Variants in ENTREP2 observed in about 807,000 individuals in gnomAD.
The protein encoded by ENTREP2 is protein ENTREP2.
At chr15:29,416,599 T>C in the ENTREP2 span, among the ~76,000 whole-genome samples, 2 of 152,170 alleles carry the variant, frequency 1.3e-5, no homozygotes, top group African/African-American at 2.4e-5. Context: ...AAAGACTTCA[T>C]GTCTAAAACA....
the ENTREP2 span, among the ~76,000 whole-genome samples, chr15:29,636,379 A>G: frequency 6.6e-6 from 1 of 152,216 alleles, no homozygotes; most frequent in Non-Finnish European, 1.5e-5. Context: ...GCCCTTCACC[A>G]TGAGAACACG....
At chr15:29,124,805 G>T in the ENTREP2 span, 2 of 1,499,534 alleles carry the variant, frequency 1.3e-6, no homozygotes, top group South Asian at 2.4e-5. Context: ...AAGGAAAAAG[G>T]AATTCCTGAG....
chr15:29,273,889 G>A, the ENTREP2 span, among the ~76,000 whole-genome samples: 59 of 152,104 alleles, frequency 3.9e-4, no homozygotes, highest in Admixed American at 3.0e-3. Flanking sequence ...CTGCACTATT[G>A]GATTCCCTAC....
the ENTREP2 span, chr15:29,376,268 T>C: frequency 6.6e-6 from 1 of 152,184 alleles, no homozygotes; most frequent in Non-Finnish European, 1.5e-5. Flanking sequence ...CCTGTGATTG[T>C]GGGAGACTGT....
the ENTREP2 span, among the ~76,000 whole-genome samples, chr15:29,322,472 T>C: frequency 6.6e-6 from 1 of 152,322 alleles, no homozygotes; most frequent in South Asian, 2.1e-4. Flanking sequence ...GATAACTGTT[T>C]GCTTAAAGTA....
chr15:29,624,871 T>TTGTGTGTGTGTGTG, the ENTREP2 span, among the ~76,000 whole-genome samples: 47 of 143,716 alleles, frequency 3.3e-4, no homozygotes, highest in African/African-American at 1.1e-3. Flanking sequence ...CTGCATTAAT[T>TTGTGTGTGTGTGTG]TGTGTGTGTG....
At chr15:29,206,441 CAAGGCACTT>C in the ENTREP2 span, among the ~76,000 whole-genome samples, 3 of 152,112 alleles carry the variant, frequency 2.0e-5, no homozygotes, top group African/African-American at 7.2e-5. Flanking sequence ...TGGTGATGCT[CAAGGCACTT>C]AAAGGCACTG....
At chr15:29,342,057 C>T in the ENTREP2 span, among the ~76,000 whole-genome samples, 1 of 152,184 alleles carries the variant, frequency 6.6e-6, no homozygotes, top group African/African-American at 2.4e-5. Context: ...AAGACCACCC[C>T]TTGCTCTAAG....
chr15:29,121,626 C>T, the ENTREP2 span: 1 of 152,216 alleles, frequency 6.6e-6, no homozygotes, highest in African/African-American at 2.4e-5. Context: ...AAAGCCCCCA[C>T]TTGAGGAAAA....
At chr15:29,371,441 T>C in the ENTREP2 span, among the ~76,000 whole-genome samples, 5 of 151,626 alleles carry the variant, frequency 3.3e-5, no homozygotes, top group African/African-American at 1.2e-4. Flanking sequence ...TAGTCCTTCT[T>C]TTGTAAATAT....
At chr15:29,208,161 C>G in the ENTREP2 span, among the ~76,000 whole-genome samples, 1 of 127,408 alleles carries the variant, frequency 7.8e-6, no homozygotes, top group Middle Eastern at 4.3e-3. Context: ...TCCCCTCCCC[C>G]CACCCTGAGT....
At chr15:29,555,345 G>C in the ENTREP2 span, among the ~76,000 whole-genome samples, 1 of 152,188 alleles carries the variant, frequency 6.6e-6, no homozygotes, top group African/African-American at 2.4e-5. Context: ...GTGTTTGACA[G>C]CTTCTCCCCA....
the ENTREP2 span, among the ~76,000 whole-genome samples, chr15:29,178,294 A>AT: frequency 6.0e-5 from 7 of 116,108 alleles, no homozygotes; most frequent in Admixed American, 3.2e-4. Flanking sequence ...AACCTGTCTT[A>AT]AAAAAAAAAA....
At chr15:29,493,494 A>C in the ENTREP2 span, among the ~76,000 whole-genome samples, 1 of 152,078 alleles carries the variant, frequency 6.6e-6, no homozygotes, top group Non-Finnish European at 1.5e-5. Context: ...AGCACGCTTA[A>C]TGCTGAGCAT....
the ENTREP2 span, among the ~76,000 whole-genome samples, chr15:29,502,486 A>G: frequency 6.6e-6 from 1 of 151,870 alleles, no homozygotes; most frequent in African/African-American, 2.4e-5. Context: ...TAAAAATCCT[A>G]GAAAAAAAAA....
At chr15:29,305,619 G>A in the ENTREP2 span, among the ~76,000 whole-genome samples, 25,464 of 152,084 alleles carry the variant, frequency 0.17, 3,517 homozygotes, top group African/African-American at 0.39. Context: ...GGTAACTGTT[G>A]AAGTTTTGGC....
At chr15:29,257,654 T>A in the ENTREP2 span, among the ~76,000 whole-genome samples, 38 of 152,328 alleles carry the variant, frequency 2.5e-4, no homozygotes, top group African/African-American at 9.1e-4. Context: ...TCTTACTTTT[T>A]CTGTTAATAC....
chr15:29,435,856 A>G, the ENTREP2 span, among the ~76,000 whole-genome samples: 5 of 152,078 alleles, frequency 3.3e-5, no homozygotes, highest in African/African-American at 4.8e-5. Flanking sequence ...GTGCTGGAAG[A>G]TGGAAGACCT....
the ENTREP2 span, among the ~76,000 whole-genome samples, chr15:29,288,758 C>T: frequency 6.6e-6 from 1 of 152,154 alleles, no homozygotes; most frequent in African/African-American, 2.4e-5. Context: ...ATGATGTCTA[C>T]ACAACATGCA....
Sources: gnomAD v4.1 joint callset for allele counts (sites outside exome capture counted in the v4.1 genomes callset) on GRCh38, gnomAD v4.1.1 for gene constraint, MANE v1.5 for transcripts, NCBI Gene and HGNC (gene_info 2026-07-23, HGNC 2026-07-21) for gene names.